MALRD1: variants seen among roughly 807,000 people sequenced by gnomAD.
MALRD1 encodes the protein MAM and LDL-receptor class A domain-containing protein 1.
MALRD1 carries 247 observed loss-of-function variants against 242.1 expected under a neutral mutation model. The ratio of observed to expected loss-of-function variants is 1.02; its 90% CI spans 0.92 to 1.13. MALRD1 has a LOEUF of 1.13. MALRD1 is among the 50% of genes most tolerant of loss of function. The pLI is 0.00. For missense variants in MALRD1, 2,989 were observed against 2,533.1 expected (o/e 1.18, Z -3.86); for synonymous variants, 995 against 866.6 (o/e 1.15, Z -2.60).
At chr10:19,115,554 A>T (rs1300626001) in intron 5 of MALRD1, among the ~76,000 whole-genome samples, 1 of 152,162 alleles carries the variant, frequency 6.6e-6, no homozygotes, top group African/African-American at 2.4e-5. Context: ...AATAATTCTG[A>T]GATGAGGAAG....
chr10:19,071,880 TTTATTCC>T (rs1835159319), intron 2 of MALRD1, among the ~76,000 whole-genome samples: 1 of 152,134 alleles, frequency 6.6e-6, no homozygotes, highest in South Asian at 2.1e-4. Flanking sequence ...TTAATGTCCA[TTTATTCC>T]TTTCTATATT....
At chr10:19,453,821 G>T (rs1251069011) in intron 29 of MALRD1, among the ~76,000 whole-genome samples, 3 of 151,842 alleles carry the variant, frequency 2.0e-5, no homozygotes, top group African/African-American at 7.3e-5. Context: ...GGTTTGCAGT[G>T]AGCCGAGATC....
chr10:19,441,889 T>C (rs1834675674), intron 28 of MALRD1, among the ~76,000 whole-genome samples: 1 of 152,178 alleles, frequency 6.6e-6, no homozygotes, highest in Admixed American at 6.6e-5. Context: ...GGTAGCTTGG[T>C]GGGGATAACA....
At chr10:19,268,429 T>A (rs546299621) in intron 19 of MALRD1, among the ~76,000 whole-genome samples, 2 of 152,266 alleles carry the variant, frequency 1.3e-5, no homozygotes, top group South Asian at 4.1e-4. Flanking sequence ...AACTCCAAGT[T>A]ATTGTAGTAA....
In MALRD1 at chr10:19,055,870, G is replaced by T. The variant is rs567063168; in HGVS notation, c.199+6733G>T. Among the ~76,000 whole-genome samples the T allele has an allele frequency of 7.2e-5, 11 of 152,252 alleles. No individual in the cohort carries two copies. The South Asian group carries it at 2.3e-3, about 32-fold the overall frequency. On this transcript the variant is annotated intron_variant, in intron 1 of 39. Coordinates refer to ENST00000454679, the MANE Select transcript of MALRD1 (RefSeq NM_001142308.3). ...TGAAGGGAAGAGGGAGGTGGGTGAG[G>T]ATCGAAAAACCACCTATTGCGTACT...
Position 19,205,048 on chromosome 10 carries a change from C to G in MALRD1, c.2361C>G (p.Pro787=). The G allele has an allele frequency of 6.4e-7, 1 of 1,550,742 alleles. No individual in the cohort carries two copies. Among genetic ancestry groups the G allele is most frequent in the Non-Finnish European group, 8.7e-7 (1 of 1,147,014 alleles). Residue 787 remains proline, a synonymous_variant, in exon 17 of 40, where the codon CCC becomes CCG. Transcript: ENST00000454679. The part of the protein sequence containing the change: ...ATIQLGRLSQ[P]FHLSLDKVSL... ...TTCAGCTAGGGCGCCTTTCGCAGCC[C>G]TTCCATTTGTCACTAGATAAAGTCA...
intron 1 of MALRD1, among the ~76,000 whole-genome samples, chr10:19,053,979 T>A (rs1251580064): frequency 6.6e-6 from 1 of 152,112 alleles, no homozygotes; most frequent in East Asian, 1.9e-4. Flanking sequence ...TAACCTATAG[T>A]GAACTAAAAA....
intron 32 of MALRD1, among the ~76,000 whole-genome samples, chr10:19,542,194 A>G (rs1835001297): frequency 1.3e-5 from 2 of 152,206 alleles, no homozygotes; most frequent in Admixed American, 1.3e-4. Context: ...AGTCACCTTG[A>G]GAAAGAACCT....
At chr10:19,258,012 C>A (rs1386510006) in intron 19 of MALRD1, among the ~76,000 whole-genome samples, 1 of 152,058 alleles carries the variant, frequency 6.6e-6, no homozygotes, top group Non-Finnish European at 1.5e-5. Flanking sequence ...ATGCAAAATA[C>A]TAGAAAATCA....
intron 30 of MALRD1, among the ~76,000 whole-genome samples, chr10:19,493,771 C>T (rs986096166): frequency 1.1e-4 from 17 of 151,932 alleles, no homozygotes; most frequent in Non-Finnish European, 1.9e-4. Flanking sequence ...TGAGATTGTA[C>T]CACTGCACTC....
intron 28 of MALRD1, among the ~76,000 whole-genome samples, chr10:19,403,616 T>C (rs972134985): frequency 4.6e-5 from 7 of 152,068 alleles, no homozygotes; most frequent in Non-Finnish European, 8.8e-5. Context: ...AAAATAATAT[T>C]TTTATGTGAA....
chr10:19,148,773 T>TAAAAAAA lies in MALRD1; in HGVS notation c.1558+2439_1558+2445dup, dbSNP rs1174673634. Among the ~76,000 whole-genome samples the TAAAAAAA allele has an allele frequency of 2.2e-4, 25 of 114,452 alleles. 1 individual carries two copies. Among genetic ancestry groups the TAAAAAAA allele is most frequent in the Non-Finnish European group, 4.3e-4 (24 of 55,218 alleles). 75.1% of individuals were successfully genotyped at this position (114,452 alleles called of 152,430 possible). A position where few individuals can be genotyped will look rare whatever the true frequency, so the allele number is the denominator to read the frequency against. ...CTTTCTCATTTTAGAAAGGGCCAATTAAAAAAAAAAAAAAAATATATATAT... is the reference window on the plus strand; with the variant it reads ...CTTTCTCATTTTAGAAAGGGCCAATTAAAAAAAAAAAAAAAAAAAAAAATATATATAT... On this transcript the variant is annotated intron_variant, in intron 11 of 39. Coordinates refer to ENST00000454679, the MANE Select transcript of MALRD1 (RefSeq NM_001142308.3).
At chr10:19,461,104 A>G (rs148278258) in intron 29 of MALRD1, among the ~76,000 whole-genome samples, 358 of 152,264 alleles carry the variant, frequency 2.4e-3, no homozygotes, top group South Asian at 8.1e-3. Flanking sequence ...CAATCAAGAC[A>G]ATGGAAGGAA....
chr10:19,388,870 A>G (rs1846204335), intron 27 of MALRD1, among the ~76,000 whole-genome samples: 1 of 130,438 alleles, frequency 7.7e-6, no homozygotes, highest in African/African-American at 2.7e-5. Flanking sequence ...TTGAAATTCC[A>G]TAGGTCTACT....
intron 21 of MALRD1, among the ~76,000 whole-genome samples, chr10:19,309,482 A>G (rs560983566): frequency 3.0e-4 from 45 of 151,562 alleles, no homozygotes; most frequent in Admixed American, 7.9e-4. Context: ...ATGGGCCACT[A>G]TTGTTAAAAG....
chr10:19,357,113 A>AT (rs1414839634), intron 26 of MALRD1, among the ~76,000 whole-genome samples: 1 of 151,090 alleles, frequency 6.6e-6, no homozygotes, highest in Non-Finnish European at 1.5e-5. Context: ...CTGTCTGAAA[A>AT]AAAAAAATAA....
At chr10:19,451,916 G>A (rs1316603114) in intron 29 of MALRD1, among the ~76,000 whole-genome samples, 2 of 152,150 alleles carry the variant, frequency 1.3e-5, no homozygotes, top group East Asian at 1.9e-4. Context: ...TCTATGTCAT[G>A]CAGGAGACAG....
At chr10:19,306,119 T>TATACTATATATACTATATA in intron 21 of MALRD1, among the ~76,000 whole-genome samples, 1 of 111,262 alleles carries the variant, frequency 9.0e-6, no homozygotes, top group Non-Finnish European at 1.7e-5. Context: ...ATATATACTA[T>TATACTATATATACTATATA]CTAGTATATA....
intron 11 of MALRD1, among the ~76,000 whole-genome samples, chr10:19,150,509 C>T (rs932332351): frequency 4.6e-5 from 7 of 152,110 alleles, no homozygotes; most frequent in African/African-American, 1.7e-4. Context: ...CCCCAAAGCA[C>T]CGACTCTATC....
Sources: allele counts gnomAD v4.1 joint callset (sites outside exome capture counted in the v4.1 genomes callset), GRCh38; gene constraint gnomAD v4.1.1; transcripts MANE v1.5; gene names NCBI Gene and HGNC (gene_info 2026-07-23, HGNC 2026-07-21).